Variants in EXT1 observed in about 807,000 individuals in gnomAD.
The protein encoded by EXT1 is exostosin-1.
EXT1 carries 20 observed loss-of-function variants against 82.5 expected under a neutral mutation model. That is an observed-to-expected ratio of 0.24 (90% confidence interval 0.17 to 0.35). The LOEUF (loss-of-function observed/expected upper bound fraction) is 0.35. Ranked by LOEUF, EXT1 falls within the 10% of genes least tolerant of loss-of-function variation. The probability of loss-of-function intolerance (pLI) is 1.00; values close to 1 mark genes in which losing one functional copy is unlikely to be tolerated. For synonymous variants in EXT1, 348 were observed against 350.8 expected (o/e 0.99, Z 0.09); for missense variants, 757 against 936.5 (o/e 0.81, Z 2.50).
intron 1 of EXT1, among the ~76,000 whole-genome samples, chr8:117,881,097 G>A (rs1054380567): frequency 3.3e-5 from 5 of 152,130 alleles, no homozygotes; most frequent in East Asian, 1.9e-4. Context: ...TGCTCAACAA[G>A]GGCAAGTTAT....
At chr8:117,801,844 G>GAATA (rs1823171294) in intron 10 of EXT1, among the ~76,000 whole-genome samples, 1 of 152,162 alleles carries the variant, frequency 6.6e-6, no homozygotes, top group Admixed American at 6.5e-5. Context: ...TTCCCAAAGG[G>GAATA]TGCTGTACCC....
chr8:117,827,036 G>A (rs986830752), intron 4 of EXT1, among the ~76,000 whole-genome samples: 1 of 152,110 alleles, frequency 6.6e-6, no homozygotes, highest in African/African-American at 2.4e-5. Flanking sequence ...CTTTCATCTG[G>A]CAAATCAGCA....
At chr8:117,990,405 A>T (rs1259573440) in intron 1 of EXT1, among the ~76,000 whole-genome samples, 2 of 152,240 alleles carry the variant, frequency 1.3e-5, no homozygotes, top group East Asian at 1.9e-4. Context: ...TCACAAAAAA[A>T]GTTGGAGAAG....
chr8:117,944,325 G>A (rs964163912), intron 1 of EXT1, among the ~76,000 whole-genome samples: 3 of 152,192 alleles, frequency 2.0e-5, no homozygotes, highest in Non-Finnish European at 2.9e-5. Context: ...CCTGGAATCC[G>A]GGAGGCGGAG....
intron 1 of EXT1, among the ~76,000 whole-genome samples, chr8:118,013,903 C>A (rs1413932393): frequency 6.6e-6 from 1 of 152,144 alleles, no homozygotes; most frequent in Non-Finnish European, 1.5e-5. Flanking sequence ...CTTAAATCTA[C>A]CTTGATGCAG....
intron 1 of EXT1, among the ~76,000 whole-genome samples, chr8:118,012,781 T>C (rs554627959): frequency 2.0e-5 from 3 of 152,300 alleles, no homozygotes; most frequent in South Asian, 4.1e-4. Flanking sequence ...ACCAAAACAT[T>C]ATTATTTTTC....
At chr8:117,832,581 C>A (rs1046017618) in intron 3 of EXT1, among the ~76,000 whole-genome samples, 1 of 151,808 alleles carries the variant, frequency 6.6e-6, no homozygotes, top group Admixed American at 6.6e-5. Flanking sequence ...GCTATATAGT[C>A]TCCAGAAAAT....
rs766571771 is a variant in EXT1, at chr8:117,807,245, C to G, written c.1855G>C (p.Val619Leu). 18 of 1,614,074 alleles carry G rather than the reference C, an allele frequency of 1.1e-5. No individual in the cohort carries two copies. Among genetic ancestry groups the G allele is most frequent in the African/African-American group, 4.0e-5 (3 of 74,918 alleles). ...TGGTAAATAGCAGCTCCTGTCAACA[C>G]CATGGAGTAGTCGTTCGTCCACTTT... ...TSKWTNDYSM[V>L]LTGAAIYHKY... is the part of the protein sequence containing the mutation. Residue 619 changes from valine to leucine, a missense_variant, in exon 9 of 11, where the codon GTG becomes CTG. Val to Leu is a conservative substitution (Grantham distance 32). This residue lies in a region of EXT1 where 128 missense variants were observed against 223.2 expected (regional missense o/e 0.57). Transcript: ENST00000378204.
chr8:117,809,037 T>C (rs909204893), intron 8 of EXT1, among the ~76,000 whole-genome samples: 1 of 151,844 alleles, frequency 6.6e-6, no homozygotes, highest in Non-Finnish European at 1.5e-5. Flanking sequence ...TGTAGGACTC[T>C]GTCTAGAATT....
intron 1 of EXT1, among the ~76,000 whole-genome samples, chr8:117,999,106 T>A (rs1211721416): frequency 6.6e-6 from 1 of 152,226 alleles, no homozygotes; most frequent in Non-Finnish European, 1.5e-5. Flanking sequence ...GTTGGTTGTT[T>A]TAATTTTTTA....
At chr8:117,871,788 A>G (rs913094912) in intron 1 of EXT1, among the ~76,000 whole-genome samples, 2 of 151,944 alleles carry the variant, frequency 1.3e-5, no homozygotes, top group African/African-American at 4.8e-5. Context: ...AGTATCCCCT[A>G]GGGTAGGGCT....
intron 1 of EXT1, among the ~76,000 whole-genome samples, chr8:117,988,113 T>C (rs781092434): frequency 6.6e-6 from 1 of 152,146 alleles, no homozygotes; most frequent in Non-Finnish European, 1.5e-5. Context: ...TACATACATA[T>C]TGGCTCTTCA....
In EXT1 at chr8:117,891,931, T is replaced by C. The variant is rs544780365; in HGVS notation, c.963-54730A>G. On this transcript the variant is annotated intron_variant, in intron 1 of 10. Coordinates refer to ENST00000378204, the MANE Select transcript of EXT1 (RefSeq NM_000127.3). ...AAGCGATTCTCCTGCTTCAGCCTCC[T>C]GAGTAGCTGGGATTACAGGCACAGG... 8.0e-5 allele frequency among the ~76,000 whole-genome samples: 12 copies of C among 150,498 alleles called. No homozygotes were observed. In the East Asian group the frequency reaches 2.2e-3, roughly 28 times the overall value.
At chr8:117,848,723 T>C (rs186347464) in intron 1 of EXT1, among the ~76,000 whole-genome samples, 9 of 152,146 alleles carry the variant, frequency 5.9e-5, no homozygotes, top group African/African-American at 1.7e-4. Flanking sequence ...CACACCCTTC[T>C]TCCTATACCT....
At chr8:118,087,635 G>A (rs961489501) in intron 1 of EXT1, among the ~76,000 whole-genome samples, 5 of 152,056 alleles carry the variant, frequency 3.3e-5, no homozygotes, top group African/African-American at 1.2e-4. Flanking sequence ...TCAATCTAAT[G>A]TGTTTACACA....
chr8:117,826,361 A>G (rs73706423), intron 4 of EXT1, among the ~76,000 whole-genome samples: 13,561 of 152,188 alleles, frequency 0.089, 768 homozygotes, highest in African/African-American at 0.16. Flanking sequence ...CCAAGCAAGG[A>G]GAAAGACCTA....
Position 117,799,630 on chromosome 8 carries a change from G to A in EXT1, c.*82C>T, listed in dbSNP as rs886062635. The A allele has an allele frequency of 6.4e-5, 96 of 1,507,674 alleles. No homozygotes were observed. The African/African-American group carries it at 1.2e-3, about 18-fold the overall frequency. 93.4% of individuals were successfully genotyped at this position (1,507,674 alleles called of 1,614,324 possible). On this transcript the variant is annotated 3_prime_UTR_variant, in exon 11 of 11. Coordinates refer to ENST00000378204, the MANE Select transcript of EXT1 (RefSeq NM_000127.3). The stretch of plus-strand genomic sequence containing the variant: ...ATAGTTGGCACAATCTGGCTCTGCT[G>A]ATGAGTGGATCTGCACTGGGAAGAG...
intron 1 of EXT1, among the ~76,000 whole-genome samples, chr8:117,865,077 C>A (rs537868761): frequency 1.3e-5 from 2 of 152,240 alleles, no homozygotes; most frequent in East Asian, 3.9e-4. Context: ...CTGACTGACT[C>A]CATACAAACA....
At chr8:117,931,478 G>A (rs1051781533) in intron 1 of EXT1, among the ~76,000 whole-genome samples, 5 of 151,680 alleles carry the variant, frequency 3.3e-5, no homozygotes, top group Admixed American at 6.6e-5. Flanking sequence ...GGAGGTCTAT[G>A]AGAGAGGGAG....
Sources: gnomAD v4.1 joint callset for allele counts (sites outside exome capture counted in the v4.1 genomes callset) on GRCh38, gnomAD v4.1.1 for gene constraint, gnomAD v4.1.1 regional missense constraint, MANE v1.5 for transcripts, NCBI Gene and HGNC (gene_info 2026-07-23, HGNC 2026-07-21) for gene names.